TBC1D1: variants seen among roughly 807,000 people sequenced by gnomAD.
TBC1D1 encodes TBC1 (tre-2/USP6, BUB2, cdc16) domain family, member 1.
TBC1D1 carries 89 observed loss-of-function variants against 125.6 expected under a neutral mutation model. The ratio of observed to expected loss-of-function variants is 0.71; its 90% CI spans 0.60 to 0.85. TBC1D1 has a LOEUF of 0.85. Among genes scored for constraint, TBC1D1 ranks in the 40% least tolerant of loss-of-function variants. The pLI, the probability that TBC1D1 is intolerant of heterozygous loss-of-function variation, is 0.00. For missense variants in TBC1D1, 1,377 were observed against 1,469.2 expected, an observed-to-expected ratio of 0.94 and a Z score of 1.03; for synonymous variants, 565 against 564.1, an observed-to-expected ratio of 1.00 and a Z score of -0.02.
chr4:38,057,375 C>G (rs1256549271), intron 12 of TBC1D1, among the ~76,000 whole-genome samples: 1 of 152,192 alleles, frequency 6.6e-6, no homozygotes, highest in Admixed American at 6.5e-5. Context: ...CAGCTCTCTC[C>G]CTGTAACACA....
intron 2 of TBC1D1, among the ~76,000 whole-genome samples, chr4:37,942,882 T>C (rs1354327208): frequency 6.6e-6 from 1 of 152,184 alleles, no homozygotes; most frequent in African/African-American, 2.4e-5. Flanking sequence ...GTCATTATGA[T>C]GTTAGCTGGT....
chr4:38,021,776 C>G lies in TBC1D1; in HGVS notation c.1210+58C>G, dbSNP rs952606036. Reference sequence around the variant, plus strand: ...GTGGGAGTTAAAGGTCCCAGGAGAACTTTAGATGATACTCATCTGTTGGAA... The same window carrying G: ...GTGGGAGTTAAAGGTCCCAGGAGAAGTTTAGATGATACTCATCTGTTGGAA... On this transcript the variant is annotated intron_variant, in intron 6 of 19. Coordinates refer to ENST00000261439, the MANE Select transcript of TBC1D1 (RefSeq NM_015173.4). The G allele has an allele frequency of 2.3e-5, 33 of 1,420,488 alleles. No homozygotes were observed. In the Middle Eastern group the frequency reaches 5.7e-4, roughly 25 times the overall value. The allele number at this position is 1,420,488 out of a possible 1,614,324, so 88.0% of individuals were successfully genotyped here. A position where few individuals can be genotyped will look rare whatever the true frequency, so the allele number is the denominator to read the frequency against.
At chr4:38,130,686 C>T (rs577209609) in intron 18 of TBC1D1, among the ~76,000 whole-genome samples, 418 of 152,334 alleles carry the variant, frequency 2.7e-3, no homozygotes, top group Non-Finnish European at 5.2e-3. Context: ...TTAGGCAAGA[C>T]CCTGGGGGAG....
At chr4:38,069,351 C>G (rs1289509416) in intron 12 of TBC1D1, among the ~76,000 whole-genome samples, 1 of 152,202 alleles carries the variant, frequency 6.6e-6, no homozygotes, top group Non-Finnish European at 1.5e-5. Flanking sequence ...TTCTTAGCCC[C>G]CTACCTGTAG....
chr4:37,913,215 A>G (rs76811868), intron 2 of TBC1D1, among the ~76,000 whole-genome samples: 154 of 152,262 alleles, frequency 1.0e-3, no homozygotes, highest in African/African-American at 3.4e-3. Context: ...TCTCTGTCCT[A>G]TTGATGCTTA....
chr4:38,082,837 C>G (rs1481188237), intron 12 of TBC1D1, among the ~76,000 whole-genome samples: 5 of 152,328 alleles, frequency 3.3e-5, no homozygotes, highest in Admixed American at 6.5e-5. Context: ...GTCATGACCT[C>G]TAACCAGACT....
Position 37,931,293 on chromosome 4 carries a change from T to A in TBC1D1, c.417+28781T>A, listed in dbSNP as rs1723204611. On this transcript the variant is annotated intron_variant, in intron 2 of 19. Transcript: ENST00000261439. ...TGTATTTCTAGTAGAGACAGGGTTTTGCTGTGTTGGCCAGGCTGGTCTTGA... is the reference window on the plus strand; with the variant it reads ...TGTATTTCTAGTAGAGACAGGGTTTAGCTGTGTTGGCCAGGCTGGTCTTGA... Among the ~76,000 whole-genome samples, 5 of 151,692 alleles carry A rather than the reference T, an allele frequency of 3.3e-5. No homozygotes were observed. In the South Asian group the frequency reaches 1.0e-3, roughly 32 times the overall value.
At chr4:37,987,434 C>T (rs1053755575) in intron 2 of TBC1D1, among the ~76,000 whole-genome samples, 8 of 151,908 alleles carry the variant, frequency 5.3e-5, no homozygotes, top group Non-Finnish European at 8.8e-5. Context: ...GTCTCTGTAA[C>T]GGGGATTACA....
chr4:38,106,155 G>A (rs773331081), intron 15 of TBC1D1, among the ~76,000 whole-genome samples: 31 of 152,200 alleles, frequency 2.0e-4, no homozygotes, highest in Admixed American at 7.2e-4. Context: ...CTGTGACACA[G>A]CAGATGCTCA....
intron 2 of TBC1D1, among the ~76,000 whole-genome samples, chr4:37,972,124 C>G (rs1241610684): frequency 6.6e-6 from 1 of 152,172 alleles, no homozygotes; most frequent in East Asian, 1.9e-4. Flanking sequence ...TGAGCAATGA[C>G]TATTCTGTCT....
At chr4:37,982,257 T>C (rs892791806) in intron 2 of TBC1D1, among the ~76,000 whole-genome samples, 3 of 152,192 alleles carry the variant, frequency 2.0e-5, no homozygotes, top group African/African-American at 4.8e-5. Context: ...AATCTGACTA[T>C]AGCAAATATT....
intron 2 of TBC1D1, among the ~76,000 whole-genome samples, chr4:37,923,622 G>A (rs1000337733): frequency 2.0e-5 from 3 of 151,154 alleles, no homozygotes; most frequent in African/African-American, 7.3e-5. Context: ...AGTGGCAGTT[G>A]TAACCACAAA....
At chr4:37,967,140 G>T (rs1335976746) in intron 2 of TBC1D1, among the ~76,000 whole-genome samples, 1 of 152,110 alleles carries the variant, frequency 6.6e-6, no homozygotes, top group Non-Finnish European at 1.5e-5. Context: ...AAAGAGTGAG[G>T]ACATTCACAA....
At chr4:37,983,121 CTTTTTTTTTT>C (rs71190937) in intron 2 of TBC1D1, among the ~76,000 whole-genome samples, 1 of 116,604 alleles carries the variant, frequency 8.6e-6, no homozygotes, top group African/African-American at 3.3e-5. Context: ...TCCCCAAACT[CTTTTTTTTTT>C]TTTTTTTTTT....
At chr4:37,937,983 T>C (rs1255362192) in intron 2 of TBC1D1, among the ~76,000 whole-genome samples, 1 of 152,222 alleles carries the variant, frequency 6.6e-6, no homozygotes, top group African/African-American at 2.4e-5. Context: ...TGGGTTCTAT[T>C]GGAGGGAAGG....
rs17606810 is a variant in TBC1D1, at chr4:37,949,169, G to A, written c.417+46657G>A. On this transcript the variant is annotated intron_variant, in intron 2 of 19. Coordinates refer to ENST00000261439, the MANE Select transcript of TBC1D1 (RefSeq NM_015173.4). ...AGGCACAGATACGATCTGAGTAGAC[G>A]GCTATTTATTTGCAGATCATCTGGT... Among the ~76,000 whole-genome samples, 292 of 152,186 alleles carry A rather than the reference G, an allele frequency of 1.9e-3. 5 individuals are homozygous for A. In the East Asian group the frequency reaches 0.05, roughly 26 times the overall value.
chr4:37,983,864 A>C (rs1237533050), intron 2 of TBC1D1, among the ~76,000 whole-genome samples: 3 of 152,248 alleles, frequency 2.0e-5, no homozygotes, highest in East Asian at 3.8e-4. Flanking sequence ...AATATCATAC[A>C]GAGTAGTTTC....
chr4:37,986,232 G>A lies in TBC1D1; in HGVS notation c.418-28277G>A, dbSNP rs965289956. Among the ~76,000 whole-genome samples the A allele has an allele frequency of 3.9e-5, 6 of 152,112 alleles. No individual in the cohort carries two copies. In the South Asian group the frequency reaches 1.2e-3, roughly 32 times the overall value. On this transcript the variant is annotated intron_variant, in intron 2 of 19. Coordinates refer to ENST00000261439, the MANE Select transcript of TBC1D1 (RefSeq NM_015173.4). ...TTCCATTTGTTCTTTTCTACATGGG[G>A]AACTGACACCCAGAGCGATGAAGTA...
chr4:37,951,056 C>G (rs1245723073), intron 2 of TBC1D1, among the ~76,000 whole-genome samples: 2 of 152,132 alleles, frequency 1.3e-5, no homozygotes, highest in Non-Finnish European at 2.9e-5. Flanking sequence ...TGAGCCACTG[C>G]GCCTGGCCTA....
Sources: allele counts gnomAD v4.1 joint callset (sites outside exome capture counted in the v4.1 genomes callset), GRCh38; gene constraint gnomAD v4.1.1; transcripts MANE v1.5; gene names NCBI Gene and HGNC (gene_info 2026-07-23, HGNC 2026-07-21).